The following GALNTL6 variants were observed in gnomAD, a reference collection of about 807,000 sequenced individuals.
The protein encoded by GALNTL6 is polypeptide N-acetylgalactosaminyltransferase-like 6.
Under a neutral mutation model 73.7 loss-of-function variants are expected in GALNTL6, and 46 were observed. That is an observed-to-expected ratio of 0.62 (90% CI 0.49 to 0.80). The LOEUF is 0.80. Among genes scored for constraint, GALNTL6 ranks in the 30% least tolerant of loss-of-function variants. The pLI, the probability that GALNTL6 is intolerant of heterozygous loss-of-function variation, is 0.00. For synonymous variants in GALNTL6, 259 were observed against 263.7 expected, an observed-to-expected ratio of 0.98 and a Z score of 0.17; for missense variants, 604 against 755.0, an observed-to-expected ratio of 0.80 and a Z score of 2.34.
At chr4:172,307,594 A>G (rs1483451907) in intron 3 of GALNTL6, among the ~76,000 whole-genome samples, 3 of 152,168 alleles carry the variant, frequency 2.0e-5, no homozygotes, top group Admixed American at 2.0e-4. Flanking sequence ...TTATTCCAGC[A>G]AGATTTGTTG....
chr4:172,336,188 T>TAAACAATATC (rs1741310106), intron 4 of GALNTL6, among the ~76,000 whole-genome samples: 1 of 152,012 alleles, frequency 6.6e-6, no homozygotes, highest in Non-Finnish European at 1.5e-5. Context: ...TATATCTTAA[T>TAAACAATATC]TTATTTGTTT....
At chr4:172,096,015 C>T (rs976095562) in intron 2 of GALNTL6, among the ~76,000 whole-genome samples, 7 of 150,376 alleles carry the variant, frequency 4.7e-5, no homozygotes, top group Non-Finnish European at 1.5e-5. Context: ...AGTTAAATAT[C>T]AAGCTTCCTG....
At chr4:172,613,961 C>A (rs544762198) in intron 5 of GALNTL6, among the ~76,000 whole-genome samples, 1 of 152,176 alleles carries the variant, frequency 6.6e-6, no homozygotes, top group East Asian at 1.9e-4. Flanking sequence ...CCAAGTATTA[C>A]CCTTTGATTA....
chr4:172,024,386 T>G (rs752753603), intron 2 of GALNTL6, among the ~76,000 whole-genome samples: 1 of 151,858 alleles, frequency 6.6e-6, no homozygotes, highest in African/African-American at 2.4e-5. Context: ...GGCTTGCCTC[T>G]AGGCTTAATT....
intron 3 of GALNTL6, among the ~76,000 whole-genome samples, chr4:172,261,574 C>CT (rs1163848529): frequency 3.3e-5 from 5 of 150,388 alleles, no homozygotes; most frequent in African/African-American, 1.2e-4. Flanking sequence ...TTTCATTTGT[C>CT]TTGTATTTTT....
intron 5 of GALNTL6, among the ~76,000 whole-genome samples, chr4:172,738,771 A>T (rs1390282881): frequency 6.6e-6 from 1 of 152,212 alleles, no homozygotes; most frequent in Non-Finnish European, 1.5e-5. Flanking sequence ...ACAATGAGCC[A>T]TCTATCAGAT....
At chr4:172,229,800 C>A in intron 3 of GALNTL6, 36 bp downstream of exon 3, 1 of 1,255,512 alleles carries the variant, frequency 8.0e-7, no homozygotes, top group Non-Finnish European at 1.2e-6. Context: ...TGCTATTTCA[C>A]TCGCAGCAGT....
At chr4:172,524,935 A>G (rs1734903775) in intron 5 of GALNTL6, among the ~76,000 whole-genome samples, 1 of 152,142 alleles carries the variant, frequency 6.6e-6, no homozygotes, top group Non-Finnish European at 1.5e-5. Flanking sequence ...ATTTATATCC[A>G]CTATCTAGCT....
chr4:171,919,768 C>T (rs1164630422), intron 2 of GALNTL6, among the ~76,000 whole-genome samples: 1 of 152,118 alleles, frequency 6.6e-6, no homozygotes, highest in Non-Finnish European at 1.5e-5. Flanking sequence ...CTCTACCCAA[C>T]ACTACGAAGG....
chr4:172,957,408 G>A (rs186791025), intron 10 of GALNTL6, among the ~76,000 whole-genome samples: 34 of 152,296 alleles, frequency 2.2e-4, no homozygotes, highest in African/African-American at 7.7e-4. Context: ...TGTGGGAAGA[G>A]ACTGATAGGT....
intron 5 of GALNTL6, among the ~76,000 whole-genome samples, chr4:172,478,990 A>AT (rs760281133): frequency 2.0e-5 from 3 of 152,172 alleles, no homozygotes; most frequent in Admixed American, 6.5e-5. Context: ...CAGAATAGTC[A>AT]TTTTTTTAAA....
At chr4:172,671,331 A>G (rs1453568358) in intron 5 of GALNTL6, among the ~76,000 whole-genome samples, 1 of 152,058 alleles carries the variant, frequency 6.6e-6, no homozygotes, top group Non-Finnish European at 1.5e-5. Flanking sequence ...TTCTTTGAGT[A>G]CTGTTTGGTA....
At chr4:172,811,846 GTTAT>G in intron 6 of GALNTL6, among the ~76,000 whole-genome samples, 1 of 152,084 alleles carries the variant, frequency 6.6e-6, no homozygotes, top group South Asian at 2.1e-4. Context: ...ATATAATTTA[GTTAT>G]TTATTATGCT....
chr4:172,261,524 C>T lies in GALNTL6; in HGVS notation c.247+31760C>T, dbSNP rs140046380. Among the ~76,000 whole-genome samples the T allele has an allele frequency of 3.8e-4, 57 of 151,260 alleles. 1 individual carries two copies. The East Asian group carries it at 8.4e-3, about 22-fold the overall frequency. On this transcript the variant is annotated intron_variant, in intron 3 of 12. Coordinates refer to ENST00000506823, the MANE Select transcript of GALNTL6 (RefSeq NM_001034845.3). ...TTTCTTGGTTAATCTCACTAATGTT[C>T]GATCACTTTTGATTATTTTTTCAAA...
In GALNTL6 at chr4:172,051,783, G is replaced by T. The variant is rs557937067; in HGVS notation, c.139-177873G>T. On this transcript the variant is annotated intron_variant, in intron 2 of 12. Transcript: ENST00000506823. ...CCCACTTAGGGCCATGGGTTTCCAG[G>T]CTTGCAGGTAGGGCCTCTGCCAGGG... Among the ~76,000 whole-genome samples the T allele has an allele frequency of 2.0e-5, 3 of 152,234 alleles. No homozygotes were observed. In the East Asian group the frequency reaches 5.8e-4, roughly 29 times the overall value.
chr4:171,961,281 T>C (rs1335716446), intron 2 of GALNTL6, among the ~76,000 whole-genome samples: 1 of 152,116 alleles, frequency 6.6e-6, no homozygotes, highest in Non-Finnish European at 1.5e-5. Context: ...TGTCTAACAG[T>C]CCCTGTACAG....
intron 7 of GALNTL6, among the ~76,000 whole-genome samples, chr4:172,847,224 C>G (rs1177464990): frequency 1.3e-5 from 2 of 152,054 alleles, no homozygotes; most frequent in Non-Finnish European, 2.9e-5. Context: ...CCCTTGAAGA[C>G]TTTATTAAAG....
chr4:172,903,916 G>A (rs1207219592), intron 8 of GALNTL6, among the ~76,000 whole-genome samples: 2 of 151,940 alleles, frequency 1.3e-5, no homozygotes, highest in Admixed American at 6.6e-5. Flanking sequence ...TGAGCTTTGC[G>A]GTAGAAATGA....
rs117033102 is a variant in GALNTL6, at chr4:172,901,234, C to T, written c.1041+18327C>T. Among the ~76,000 whole-genome samples the T allele has an allele frequency of 5.5e-4, 83 of 152,252 alleles. 1 individual carries two copies. The East Asian group carries it at 0.016, about 29-fold the overall frequency. ...TGACCCTGGGGGTTCCTGTCCCTCC[C>T]TGTTAGTATTTGTGACATGAATGGG... On this transcript the variant is annotated intron_variant, in intron 8 of 12. Transcript: ENST00000506823.
Sources: allele counts gnomAD v4.1 joint callset (sites outside exome capture counted in the v4.1 genomes callset), GRCh38; gene constraint gnomAD v4.1.1; transcripts MANE v1.5; gene names NCBI Gene and HGNC (gene_info 2026-07-23, HGNC 2026-07-21).